The following CRYZ variants were observed in gnomAD, a reference collection of about 807,000 sequenced individuals.
The protein encoded by CRYZ is crystallin zeta.
Under a neutral mutation model 34.1 loss-of-function variants are expected in CRYZ, and 35 were observed. The observed-to-expected ratio is 1.03, with a 90% CI of 0.78 to 1.36. CRYZ has a LOEUF of 1.36. Ranked by LOEUF, CRYZ falls within the 40% of genes most tolerant of loss-of-function variation. The probability of loss-of-function intolerance (pLI) is 0.00; values close to 1 mark genes in which losing one functional copy is unlikely to be tolerated. For missense variants in CRYZ, 403 were observed against 391.8 expected, an observed-to-expected ratio of 1.03 and a Z score of -0.24; for synonymous variants, 137 against 136.5, an observed-to-expected ratio of 1.00 and a Z score of -0.03.
intron 1 of CRYZ, among the ~76,000 whole-genome samples, chr1:74,729,717 C>T (rs1225746612): frequency 6.6e-6 from 1 of 151,436 alleles, no homozygotes; most frequent in African/African-American, 2.4e-5. Flanking sequence ...CTCTATAGTT[C>T]TATAATCATC....
intron 4 of CRYZ, among the ~76,000 whole-genome samples, chr1:74,715,050 G>A (rs1647053443): frequency 6.6e-6 from 1 of 152,142 alleles, no homozygotes; most frequent in Non-Finnish European, 1.5e-5. Context: ...CTAGAGTAAT[G>A]TCCAAGTAAA....
intron 8 of CRYZ, 32 bp from the exon 9 acceptor site, chr1:74,706,489 A>G: frequency 1.3e-6 from 2 of 1,571,386 alleles, no homozygotes; most frequent in Non-Finnish European, 1.7e-6. Flanking sequence ...TTCTTTTTGT[A>G]GTGAACCGTA....
rs760695347 is a variant in CRYZ, at chr1:74,723,290, T to C, written c.112-20A>G. The C allele has an allele frequency of 1.9e-6, 3 of 1,603,798 alleles. No individual in the cohort carries two copies. Among genetic ancestry groups the C allele is most frequent in the Non-Finnish European group, 2.5e-6 (3 of 1,176,762 alleles). Reference sequence around the variant, plus strand: ...TAGAACCTGCAATGACAATGTATTTTAGTTCACAGAAAGAATTTAGGCATT... The same window carrying C: ...TAGAACCTGCAATGACAATGTATTTCAGTTCACAGAAAGAATTTAGGCATT... On this transcript the variant is annotated intron_variant, in intron 2 of 8. Coordinates refer to ENST00000340866, the MANE Select transcript of CRYZ (RefSeq NM_001889.4).
At chr1:74,730,777 C>A (rs569064154) in intron 1 of CRYZ, among the ~76,000 whole-genome samples, 3 of 152,214 alleles carry the variant, frequency 2.0e-5, no homozygotes, top group South Asian at 4.2e-4. Flanking sequence ...GCATATAAGA[C>A]CCTTTACTTC....
rs768891759 is a variant in CRYZ at position 74,709,950 on chromosome 1, A to AAAT, written c.630+147_630+148insATT. ...AAACTTAGACATCTGTTTTTTAAAT[A>AAAT]AAGTTTTAAAACACGCATAAAAATT... On this transcript the variant is annotated intron_variant, in intron 6 of 8. Coordinates refer to ENST00000340866, the MANE Select transcript of CRYZ (RefSeq NM_001889.4). 1,683 of 624,902 alleles carry AAAT rather than the reference A, an allele frequency of 2.7e-3. 13 individuals carry two copies. Among genetic ancestry groups the AAAT allele is most frequent in the African/African-American group, 0.019 (1,025 of 54,202 alleles). The allele number at this position is 624,902 out of a possible 1,614,324, so 38.7% of individuals were successfully genotyped here.
chr1:74,707,039 A>G, intron 7 of CRYZ, 45 bp from the exon 8 acceptor site: 2 of 1,576,856 alleles, frequency 1.3e-6, no homozygotes, highest in South Asian at 1.1e-5. Flanking sequence ...TTACTGTAAA[A>G]TAGTGTTAAA....
intron 3 of CRYZ, among the ~76,000 whole-genome samples, chr1:74,722,557 G>A (rs1647179615): frequency 6.6e-6 from 1 of 151,512 alleles, no homozygotes; most frequent in African/African-American, 2.4e-5. Context: ...GAGGAAAGAT[G>A]CTAGGACATG....
intron 2 of CRYZ, 110 bp downstream of exon 2, chr1:74,724,601 C>T (rs1647240880): frequency 1.4e-6 from 1 of 691,820 alleles, no homozygotes; most frequent in South Asian, 2.0e-5. Flanking sequence ...AAACTGCATC[C>T]TAATTCAATG....
At chr1:74,722,157 G>T (rs1337165304) in intron 3 of CRYZ, among the ~76,000 whole-genome samples, 2 of 152,074 alleles carry the variant, frequency 1.3e-5, no homozygotes, top group Non-Finnish European at 2.9e-5. Context: ...ACAACACCAA[G>T]ATTTAAGGAA....
intron 8 of CRYZ, 40 bp downstream of exon 8, chr1:74,706,859 A>G: frequency 6.5e-7 from 1 of 1,539,590 alleles, no homozygotes; most frequent in Non-Finnish European, 9.0e-7. Context: ...AACTGTACCA[A>G]TGTTTAAGTT....
At position 74,717,271 on chromosome 1, in the gene CRYZ, G is replaced by A. The variant is rs191528979; in HGVS notation, c.428+1938C>T. ...CCTTTTTTCCACATACTCTCCTCAA[G>A]TAACCTTCTACTCTCTCTTCCTTGT... On this transcript the variant is annotated intron_variant, in intron 4 of 8. Coordinates refer to ENST00000340866, the MANE Select transcript of CRYZ (RefSeq NM_001889.4). Among the ~76,000 whole-genome samples, 3 of 151,452 alleles carry A rather than the reference G, an allele frequency of 2.0e-5. 1 individual carries two copies. In the East Asian group the frequency reaches 5.8e-4, roughly 29 times the overall value.
Position 74,706,473 on chromosome 1 carries a change from A to T in CRYZ, c.829-16T>A. On this transcript the variant is annotated splice_polypyrimidine_tract_variant and intron_variant, in intron 8 of 8. Transcript: ENST00000340866. The stretch of plus-strand genomic sequence containing the variant: ...GAAATTCCTCCTAAGAAAAGGAAAA[A>T]CAAATTTCTTTTTGTAGTGAACCGT... 1 of 1,584,378 alleles carries T rather than the reference A, an allele frequency of 6.3e-7. No individual in the cohort carries two copies. The highest frequency in any genetic ancestry group is 2.2e-5 in the East Asian group (1 of 44,590).
intron 7 of CRYZ, 40 bp from the exon 8 acceptor site, chr1:74,707,034 G>A: frequency 1.9e-6 from 3 of 1,563,614 alleles, no homozygotes; most frequent in Middle Eastern, 1.7e-4. Context: ...AAAGATTACT[G>A]TAAAATAGTG....
At chr1:74,707,364 T>A (rs1302452295) in intron 6 of CRYZ, 160 bp from the exon 7 acceptor site, 1 of 540,984 alleles carries the variant, frequency 1.8e-6, no homozygotes, top group East Asian at 3.3e-5. Context: ...AATTATATAA[T>A]CACGATGTAA....
At chr1:74,706,799 T>C in intron 8 of CRYZ, 100 bp downstream of exon 8, 2 of 960,580 alleles carry the variant, frequency 2.1e-6, no homozygotes, top group South Asian at 1.3e-5. Context: ...CCACTAGTCA[T>C]ATAACTAAGT....
intron 1 of CRYZ, among the ~76,000 whole-genome samples, chr1:74,727,644 C>CAAAAA (rs1169467605): frequency 2.5e-4 from 12 of 48,690 alleles, no homozygotes; most frequent in Admixed American, 1.2e-3. Context: ...GACTCTGTCT[C>CAAAAA]AAAAAAAAAA....
chr1:74,714,866 G>A (rs1463846121), intron 4 of CRYZ, among the ~76,000 whole-genome samples: 1 of 152,138 alleles, frequency 6.6e-6, no homozygotes, highest in Non-Finnish European at 1.5e-5. Context: ...CAGGCACTAT[G>A]CTGCTGGACA....
rs772970728 is a variant in CRYZ, at chr1:74,723,283, T to C, written c.112-13A>G. ...CCTTGATTAGAACCTGCAATGACAATGTATTTTAGTTCACAGAAAGAATTT... is the reference window on the plus strand; with the variant it reads ...CCTTGATTAGAACCTGCAATGACAACGTATTTTAGTTCACAGAAAGAATTT... On this transcript the variant is annotated splice_polypyrimidine_tract_variant and intron_variant, in intron 2 of 8. Coordinates refer to ENST00000340866, the MANE Select transcript of CRYZ (RefSeq NM_001889.4). 4 of 1,606,308 alleles carry C rather than the reference T, an allele frequency of 2.5e-6. No homozygotes were observed. The highest frequency in any genetic ancestry group is 3.4e-6 in the Non-Finnish European group (4 of 1,177,818).
chr1:74,717,661 G>A (rs930158074), intron 4 of CRYZ, among the ~76,000 whole-genome samples: 6 of 152,172 alleles, frequency 3.9e-5, no homozygotes, highest in Non-Finnish European at 8.8e-5. Context: ...TCAGTAAACT[G>A]CCCTTGAGAT....
Sources: allele counts gnomAD v4.1 joint callset (sites outside exome capture counted in the v4.1 genomes callset), GRCh38; gene constraint gnomAD v4.1.1; transcripts MANE v1.5; gene names NCBI Gene and HGNC (gene_info 2026-07-23, HGNC 2026-07-21).